Variants in DLG2 observed in about 807,000 individuals in gnomAD.
DLG2 encodes disks large homolog 2.
Under a neutral mutation model 132.5 loss-of-function variants are expected in DLG2, and 45 were observed. That is an observed-to-expected ratio of 0.34 (90% CI 0.27 to 0.44). The LOEUF (loss-of-function observed/expected upper bound fraction) is 0.44. Among genes scored for constraint, DLG2 ranks in the 20% least tolerant of loss-of-function variants. DLG2 has a pLI of 1.00. For missense variants in DLG2, 1,045 were observed against 1,196.9 expected, an observed-to-expected ratio of 0.87 and a Z score of 1.87; for synonymous variants, 424 against 419.6, an observed-to-expected ratio of 1.01 and a Z score of -0.13.
chr11:85,273,315 G>A (rs2077664996), intron 4 of DLG2, among the ~76,000 whole-genome samples: 2 of 152,012 alleles, frequency 1.3e-5, no homozygotes, highest in East Asian at 3.9e-4. Context: ...GAGTGAACAG[G>A]CAACCTACAG....
chr11:84,959,765 A>C (rs776153498), intron 6 of DLG2, among the ~76,000 whole-genome samples: 2 of 152,188 alleles, frequency 1.3e-5, no homozygotes, highest in Non-Finnish European at 1.5e-5. Flanking sequence ...AGAAAAGGTG[A>C]ACTTGATTTA....
At position 84,862,042 on chromosome 11, in the gene DLG2, G is replaced by T. The variant is rs536303679; in HGVS notation, c.357+249619C>A. ...CACACTCTGGGGACTGTTGTGGGGT[G>T]GGGGGAGGGGGGAGGGATAGCACTG... is the stretch of plus-strand genomic sequence containing the variant. On this transcript the variant is annotated intron_variant, in intron 6 of 27. Transcript: ENST00000376104. 6.7e-3 allele frequency among the ~76,000 whole-genome samples: 800 copies of T among 119,440 alleles called. 4 individuals carry two copies. The highest frequency in any genetic ancestry group is 0.028 in the Middle Eastern group (5 of 180). 78.4% of individuals were successfully genotyped at this position (119,440 alleles called of 152,430 possible).
intron 7 of DLG2, among the ~76,000 whole-genome samples, chr11:84,464,674 A>G (rs900188621): frequency 6.6e-6 from 1 of 151,164 alleles, no homozygotes; most frequent in Non-Finnish European, 1.5e-5. Flanking sequence ...ATTGCTCAAT[A>G]AATGTTAACT....
At chr11:85,236,066 A>T (rs1258456829) in intron 4 of DLG2, among the ~76,000 whole-genome samples, 1 of 151,922 alleles carries the variant, frequency 6.6e-6, no homozygotes, top group Non-Finnish European at 1.5e-5. Flanking sequence ...TACTAAAAAA[A>T]GTTAAGTCTA....
At chr11:84,475,167 T>C (rs2099118375) in intron 7 of DLG2, among the ~76,000 whole-genome samples, 1 of 152,164 alleles carries the variant, frequency 6.6e-6, no homozygotes, top group African/African-American at 2.4e-5. Context: ...GCCTGGCTTC[T>C]GTGTCCAAGA....
chr11:84,148,951 G>A (rs1304092869), intron 9 of DLG2, among the ~76,000 whole-genome samples: 2 of 151,990 alleles, frequency 1.3e-5, no homozygotes, highest in Admixed American at 6.6e-5. Flanking sequence ...GTTTTGATTT[G>A]CATTTCTCTG....
intron 15 of DLG2, among the ~76,000 whole-genome samples, chr11:83,889,725 A>G (rs1276667545): frequency 6.6e-6 from 1 of 152,104 alleles, no homozygotes; most frequent in African/African-American, 2.4e-5. Flanking sequence ...TCCAACAATG[A>G]TAGACTGGAT....
At chr11:84,402,899 A>AAAAAAAAAAAAAAAAAAAAAAAAAC (rs2098835509) in intron 7 of DLG2, among the ~76,000 whole-genome samples, 1 of 151,020 alleles carries the variant, frequency 6.6e-6, no homozygotes, top group African/African-American at 2.5e-5. Flanking sequence ...AAAAAAAAAA[A>AAAAAAAAAAAAAAAAAAAAAAAAAC]AATTAACTCA....
intron 9 of DLG2, among the ~76,000 whole-genome samples, chr11:84,118,324 C>T (rs185204347): frequency 6.6e-4 from 100 of 152,274 alleles, no homozygotes; most frequent in Admixed American, 3.8e-3. Context: ...ACAGTTTGCC[C>T]GATGGAAGCC....
At chr11:85,315,494 T>C (rs1297631214) in intron 3 of DLG2, among the ~76,000 whole-genome samples, 1 of 151,966 alleles carries the variant, frequency 6.6e-6, no homozygotes, top group Non-Finnish European at 1.5e-5. Flanking sequence ...CCTGGAGTCA[T>C]CACCTGGTGT....
chr11:84,280,911 C>T lies in DLG2; in HGVS notation c.520-29620G>A, dbSNP rs375655479. Among the ~76,000 whole-genome samples the T allele has an allele frequency of 6.8e-5, 7 of 103,628 alleles. No individual in the cohort carries two copies. The East Asian group carries it at 8.5e-4, about 13-fold the overall frequency. The allele number at this position is 103,628 out of a possible 152,430, so 68.0% of individuals were successfully genotyped here. A position where few individuals can be genotyped will look rare whatever the true frequency, so the allele number is the denominator to read the frequency against. On this transcript the variant is annotated intron_variant, in intron 7 of 27. Transcript: ENST00000376104. ...TTTTTTTTTGTATTTTTAGTAGAGA[C>T]GGGGTTTTACTGTGTTAGCCAGGAT...
intron 7 of DLG2, among the ~76,000 whole-genome samples, chr11:84,438,427 T>A (rs2099007481): frequency 6.6e-6 from 1 of 151,788 alleles, no homozygotes. Context: ...GGGGTTCAAA[T>A]CGAGTGTTAA....
chr11:85,527,032 T>C (rs2074810652), intron 3 of DLG2, among the ~76,000 whole-genome samples: 1 of 152,174 alleles, frequency 6.6e-6, no homozygotes, highest in Non-Finnish European at 1.5e-5. Flanking sequence ...CTAACTGACA[T>C]GGTCAAACCA....
intron 6 of DLG2, among the ~76,000 whole-genome samples, chr11:85,030,928 C>T (rs2060944429): frequency 6.6e-6 from 1 of 151,656 alleles, no homozygotes; most frequent in African/African-American, 2.4e-5. Context: ...TTAGCTGTAC[C>T]CATAAGTTTC....
At chr11:85,467,696 C>G (rs2092839061) in intron 3 of DLG2, among the ~76,000 whole-genome samples, 1 of 151,992 alleles carries the variant, frequency 6.6e-6, no homozygotes, top group Non-Finnish European at 1.5e-5. Context: ...TTGATGTGCC[C>G]CTGAATTCAG....
intron 3 of DLG2, among the ~76,000 whole-genome samples, chr11:85,407,874 G>C (rs937150877): frequency 6.6e-6 from 1 of 151,624 alleles, no homozygotes; most frequent in Non-Finnish European, 1.5e-5. Flanking sequence ...CAGCAGAATG[G>C]CTTTCTGCGG....
At chr11:85,439,766 A>G (rs555387717) in intron 3 of DLG2, among the ~76,000 whole-genome samples, 1 of 152,320 alleles carries the variant, frequency 6.6e-6, no homozygotes, top group African/African-American at 2.4e-5. Flanking sequence ...GTAACAGAGT[A>G]TAGAGTAATG....
intron 6 of DLG2, among the ~76,000 whole-genome samples, chr11:84,666,848 C>T (rs947021431): frequency 1.3e-5 from 2 of 151,974 alleles, no homozygotes; most frequent in Non-Finnish European, 2.9e-5. Flanking sequence ...AAACACAAAA[C>T]TGGAATCAAA....
At chr11:83,697,739 A>G (rs747461577) in intron 18 of DLG2, among the ~76,000 whole-genome samples, 2 of 152,232 alleles carry the variant, frequency 1.3e-5, no homozygotes, top group Non-Finnish European at 2.9e-5. Flanking sequence ...GTATGTAAAA[A>G]GCTTTAATAA....
Sources: gnomAD v4.1 joint callset for allele counts (sites outside exome capture counted in the v4.1 genomes callset) on GRCh38, gnomAD v4.1.1 for gene constraint, MANE v1.5 for transcripts, NCBI Gene and HGNC (gene_info 2026-07-23, HGNC 2026-07-21) for gene names.